MARCHF6: variants seen among roughly 807,000 people sequenced by gnomAD.
MARCHF6 encodes the protein E3 ubiquitin-protein ligase MARCHF6.
MARCHF6 carries 31 observed loss-of-function variants against 133.7 expected under a neutral mutation model. That is an observed-to-expected ratio of 0.23 (90% CI 0.17 to 0.31). The LOEUF (loss-of-function observed/expected upper bound fraction) is 0.31. Among genes scored for constraint, MARCHF6 ranks in the 10% least tolerant of loss-of-function variants. The probability of loss-of-function intolerance (pLI) is 1.00; values close to 1 mark genes in which losing one functional copy is unlikely to be tolerated. For missense variants in MARCHF6, 723 were observed against 1,121.6 expected (o/e 0.64, Z 5.08); for synonymous variants, 395 against 402.5 (o/e 0.98, Z 0.22).
At chr5:10,417,172 G>T in intron 21 of MARCHF6, 98 bp from the exon 22 acceptor site, 1 of 1,352,804 alleles carries the variant, frequency 7.4e-7, no homozygotes. Context: ...GGATGACTGT[G>T]GTTGCTCTGT....
chr5:10,354,957 T>A (rs557068843), intron 1 of MARCHF6, among the ~76,000 whole-genome samples: 2 of 152,264 alleles, frequency 1.3e-5, no homozygotes, highest in East Asian at 3.9e-4. Context: ...TTTAAAGAAG[T>A]CTTGCCTTTA....
rs1009192115 is a variant in MARCHF6 at position 10,438,110 on chromosome 5, T to C, written c.*4426T>C. The C allele has an allele frequency of 1.3e-5, 2 of 152,234 alleles. No individual in the cohort carries two copies. Among genetic ancestry groups the C allele is most frequent in the Admixed American group, 1.3e-4 (2 of 15,274 alleles). 9.4% of individuals were successfully genotyped at this position (152,234 alleles called of 1,614,324 possible). On this transcript the variant is annotated 3_prime_UTR_variant, in exon 26 of 26. Transcript: ENST00000274140. Reference sequence around the variant, plus strand: ...GAGTAAGGCCCCACATTTTGTGCAATAGCAAGCTACTGCCCACTTCTGCAT... The same window carrying C: ...GAGTAAGGCCCCACATTTTGTGCAACAGCAAGCTACTGCCCACTTCTGCAT...
In MARCHF6 at chr5:10,395,988, C is replaced by T. The variant is rs938995449; in HGVS notation, c.861+1203C>T. ...ACATACTGATTTATATTCCTTACCC[C>T]ATCAGTTCCTCATAAATGAAGGACA... On this transcript the variant is annotated intron_variant, in intron 9 of 25. Transcript: ENST00000274140. Among the ~76,000 whole-genome samples, 3 of 152,204 alleles carry T rather than the reference C, an allele frequency of 2.0e-5. No individual in the cohort carries two copies. The East Asian group carries it at 5.8e-4, about 29-fold the overall frequency.
intron 25 of MARCHF6, among the ~76,000 whole-genome samples, chr5:10,431,695 AGTG>A (rs1235127560): frequency 6.6e-6 from 1 of 151,428 alleles, no homozygotes; most frequent in African/African-American, 2.4e-5. Flanking sequence ...TGAGAGAGTG[AGTG>A]GTGGTGGAAG....
chr5:10,364,614 C>T (rs578094825), intron 1 of MARCHF6, among the ~76,000 whole-genome samples: 10 of 152,282 alleles, frequency 6.6e-5, no homozygotes, highest in African/African-American at 1.2e-4. Flanking sequence ...ATAACTAGCT[C>T]ATTACTGCTG....
intron 1 of MARCHF6, among the ~76,000 whole-genome samples, chr5:10,373,354 G>T (rs547507832): frequency 6.6e-6 from 1 of 152,104 alleles, no homozygotes; most frequent in Non-Finnish European, 1.5e-5. Context: ...CACCTGTCCT[G>T]TTCCACCATT....
chr5:10,353,700 C>A lies in MARCHF6; in HGVS notation c.-199C>A, dbSNP rs912629158. On this transcript the variant is annotated 5_prime_UTR_variant, in exon 1 of 26. Coordinates refer to ENST00000274140, the MANE Select transcript of MARCHF6 (RefSeq NM_005885.4). ...CCCAGGCCTCGCCCCTAGGTGTTCC[C>A]GCCCCTCCCCCTCCCGTGTCGCTCG... is the stretch of plus-strand genomic sequence containing the variant. 1 of 457,796 alleles carries A rather than the reference C, an allele frequency of 2.2e-6. No homozygotes were observed. The highest frequency in any genetic ancestry group is 4.0e-6 in the Non-Finnish European group (1 of 251,894). The allele number at this position is 457,796 out of a possible 1,614,324, so 28.4% of individuals were successfully genotyped here. A position where few individuals can be genotyped will look rare whatever the true frequency, so the allele number is the denominator to read the frequency against.
chr5:10,437,294 T>G lies in MARCHF6; in HGVS notation c.*3610T>G, dbSNP rs1363329259. On this transcript the variant is annotated 3_prime_UTR_variant, in exon 26 of 26. Transcript: ENST00000274140. Reference sequence around the variant, plus strand: ...AAAGATTATATTTAAAATACTTCTTTAGGATGTTATTCAGCCATCAAAAAA... The same window carrying G: ...AAAGATTATATTTAAAATACTTCTTGAGGATGTTATTCAGCCATCAAAAAA... The G allele has an allele frequency of 6.6e-6, 1 of 152,218 alleles. No homozygotes were observed. The highest frequency in any genetic ancestry group is 1.5e-5 in the Non-Finnish European group (1 of 68,050). 9.4% of individuals were successfully genotyped at this position (152,218 alleles called of 1,614,324 possible). A position where few individuals can be genotyped will look rare whatever the true frequency, so the allele number is the denominator to read the frequency against.
chr5:10,425,771 G>T (rs543119447), intron 23 of MARCHF6, among the ~76,000 whole-genome samples: 1 of 152,072 alleles, frequency 6.6e-6, no homozygotes, highest in Non-Finnish European at 1.5e-5. Context: ...TGTTCCCAGG[G>T]TTTTCCCATT....
At chr5:10,415,246 A>G (rs779606642) in intron 20 of MARCHF6, among the ~76,000 whole-genome samples, 29 of 152,222 alleles carry the variant, frequency 1.9e-4, no homozygotes, top group African/African-American at 6.3e-4. Context: ...TGGCATGACA[A>G]ATCAGAGTGT....
chr5:10,367,240 A>G (rs1221650314), intron 1 of MARCHF6, among the ~76,000 whole-genome samples: 1 of 152,232 alleles, frequency 6.6e-6, no homozygotes, highest in Non-Finnish European at 1.5e-5. Context: ...CAGAAAAGGG[A>G]CGTTAGGTAA....
At chr5:10,408,611 T>C (rs527622670) in intron 17 of MARCHF6, among the ~76,000 whole-genome samples, 7 of 152,348 alleles carry the variant, frequency 4.6e-5, no homozygotes, top group African/African-American at 1.4e-4. Context: ...TGATCATGGC[T>C]CACTGCAGCC....
Position 10,429,104 on chromosome 5 carries a change from T to C in MARCHF6, c.2507-789T>C, listed in dbSNP as rs540102496. Among the ~76,000 whole-genome samples, 5 of 152,360 alleles carry C rather than the reference T, an allele frequency of 3.3e-5. No homozygotes were observed. The South Asian group carries it at 8.3e-4, about 25-fold the overall frequency. On this transcript the variant is annotated intron_variant, in intron 24 of 25. Coordinates refer to ENST00000274140, the MANE Select transcript of MARCHF6 (RefSeq NM_005885.4). ...ATTTCAAACTCAGCTCCAGAGCTTA[T>C]GCACAGCACACTATTGTGGTGTTTG...
chr5:10,389,097 TCTC>T (rs557257096), intron 5 of MARCHF6, among the ~76,000 whole-genome samples: 99 of 152,302 alleles, frequency 6.5e-4, no homozygotes, highest in African/African-American at 2.4e-3. Context: ...GATTGACCCT[TCTC>T]AGGTTTTCTA....
intron 17 of MARCHF6, among the ~76,000 whole-genome samples, chr5:10,407,961 C>G (rs938235511): frequency 2.8e-5 from 4 of 142,228 alleles, no homozygotes; most frequent in Non-Finnish European, 6.2e-5. Context: ...CATCCCCCCC[C>G]CCCCAAAAAA....
chr5:10,390,518 A>G lies in MARCHF6; in HGVS notation c.576+18A>G. 6.2e-7 allele frequency: 1 copy of G among 1,607,732 alleles called. No homozygotes were observed. The highest frequency in any genetic ancestry group is 1.1e-5 in the South Asian group (1 of 90,434). ...AAAATGAGGTAACTCCCCTACCCCA[A>G]AATTGATTTTACTTAGGTAGGTCAT... On this transcript the variant is annotated intron_variant, in intron 6 of 25. Coordinates refer to ENST00000274140, the MANE Select transcript of MARCHF6 (RefSeq NM_005885.4).
chr5:10,380,632 G>A (rs574216107), intron 3 of MARCHF6, among the ~76,000 whole-genome samples: 36 of 152,134 alleles, frequency 2.4e-4, no homozygotes, highest in Non-Finnish European at 4.3e-4. Flanking sequence ...GCCATTAAAA[G>A]TTGCTATTTG....
intron 25 of MARCHF6, among the ~76,000 whole-genome samples, chr5:10,431,645 G>GTA (rs1740371712): frequency 6.6e-6 from 1 of 151,672 alleles, no homozygotes; most frequent in African/African-American, 2.4e-5. Flanking sequence ...GTGTGTGTGT[G>GTA]TGTGTGAGAG....
At chr5:10,400,915 T>C in intron 11 of MARCHF6, 73 bp downstream of exon 11, 1 of 1,185,292 alleles carries the variant, frequency 8.4e-7, no homozygotes, top group Non-Finnish European at 1.3e-6. Flanking sequence ...AATAGTATTC[T>C]AAAGAGTTAC....
Sources: gnomAD v4.1 joint callset for allele counts (sites outside exome capture counted in the v4.1 genomes callset) on GRCh38, gnomAD v4.1.1 for gene constraint, MANE v1.5 for transcripts, NCBI Gene and HGNC (gene_info 2026-07-23, HGNC 2026-07-21) for gene names.